The following ZZEF1 variants were observed in gnomAD, a reference collection of about 807,000 sequenced individuals.
ZZEF1 encodes the protein zinc finger ZZ-type and EF-hand domain-containing protein 1.
In ZZEF1, 157 loss-of-function variants were observed where a neutral mutation model predicts 342.8. That is an observed-to-expected ratio of 0.46 (90% CI 0.40 to 0.52). The LOEUF (loss-of-function observed/expected upper bound fraction) is 0.52, where lower values mean the gene tolerates loss of function less well. ZZEF1 is among the 20% of genes least tolerant of loss of function. The pLI, the probability that ZZEF1 is intolerant of heterozygous loss-of-function variation, is 0.00. For missense variants in ZZEF1, 3,480 were observed against 3,725.6 expected (o/e 0.93, Z 1.72); for synonymous variants, 1,505 against 1,429.1 (o/e 1.05, Z -1.20).
chr17:4,087,294 A>G, intron 14 of ZZEF1, 140 bp downstream of exon 14: 1 of 621,454 alleles, frequency 1.6e-6, no homozygotes, highest in South Asian at 2.3e-5. Context: ...GTTATTTTCA[A>G]TAATAACCAT....
At position 4,017,387 on chromosome 17, in the gene ZZEF1, T is replaced by C. The variant is rs753263487; in HGVS notation, c.7985A>G (p.Lys2662Arg). Residue 2662 changes from lysine to arginine, a missense_variant, in exon 48 of 55, where the codon AAG becomes AGG. Lys to Arg is a conservative substitution (Grantham distance 26). This residue lies in a region of ZZEF1 where 1,269 missense variants were observed against 1,342.4 expected (regional missense o/e 0.95). Transcript: ENST00000381638. The surrounding 1 kb of genome is among the most constrained non-coding windows in gnomAD (Gnocchi z 5.1). ...ILDMFMQLEE[K>R]HEWEKILQKV... ...CATAACTACCTTCTCCCACTCATGC[T>C]TTTCTTCCAGCTGCATGAACATATC... 1 of 1,598,806 alleles carries C rather than the reference T, an allele frequency of 6.3e-7. No individual in the cohort carries two copies. The highest frequency in any genetic ancestry group is 8.6e-7 in the Non-Finnish European group (1 of 1,168,808).
intron 42 of ZZEF1, 60 bp from the exon 43 acceptor site, chr17:4,025,178 A>G: frequency 6.6e-7 from 1 of 1,515,122 alleles, no homozygotes; most frequent in East Asian, 2.3e-5. Context: ...TGCTTCCAGC[A>G]GCTATTTCTT....
chr17:4,054,226 T>TA (rs778520573), intron 33 of ZZEF1, 31 bp from the exon 34 acceptor site: 5 of 1,594,652 alleles, frequency 3.1e-6, no homozygotes, highest in African/African-American at 2.7e-5. Context: ...AATTAACTGA[T>TA]AGATTTTCTA....
In ZZEF1 at chr17:4,014,561, G is replaced by GAC; in HGVS notation, c.8146-48_8146-47dup. ...ACACATCTGTCGATGCTGCTCACTA[G>GAC]ACACTGACTGCAGCTGTCCCATGCC... On this transcript the variant is annotated intron_variant, in intron 49 of 54. Coordinates refer to ENST00000381638, the MANE Select transcript of ZZEF1 (RefSeq NM_015113.4). This position sits in a 1 kb window ranked among gnomAD's most constrained non-coding sequence, Gnocchi z 4.4. The GAC allele has an allele frequency of 6.3e-7, 1 of 1,596,168 alleles. No homozygotes were observed. Among genetic ancestry groups the GAC allele is most frequent in the Admixed American group, 1.7e-5 (1 of 59,900 alleles).
Position 4,017,327 on chromosome 17 carries a change from G to A in ZZEF1, c.8001+44C>T. 1.3e-6 allele frequency: 2 copies of A among 1,545,120 alleles called. No homozygotes were observed. The highest frequency in any genetic ancestry group is 1.7e-6 in the Non-Finnish European group (2 of 1,144,862). The stretch of plus-strand genomic sequence containing the variant: ...CACTGGAGGAAGCCTGTGGGGCAGA[G>A]GAAGAACCTGGTGGGTGAGCACAAG... On this transcript the variant is annotated intron_variant, in intron 48 of 54. Transcript: ENST00000381638. This position sits in a 1 kb window ranked among gnomAD's most constrained non-coding sequence, Gnocchi z 5.1.
chr17:4,109,420 G>A (rs2058261063), intron 6 of ZZEF1, among the ~76,000 whole-genome samples: 2 of 152,186 alleles, frequency 1.3e-5, no homozygotes, highest in Non-Finnish European at 2.9e-5. Flanking sequence ...ACTGTGTGAC[G>A]AGGAGCAGGA....
At chr17:4,021,090 G>A (rs752141609) in intron 45 of ZZEF1, 39 bp downstream of exon 45, 2 of 1,546,910 alleles carry the variant, frequency 1.3e-6, no homozygotes, top group Non-Finnish European at 1.7e-6. Flanking sequence ...CCATCCCTCA[G>A]AAGCCCCTCC....
chr17:4,041,559 T>A (rs771834382), intron 39 of ZZEF1, among the ~76,000 whole-genome samples: 1 of 152,228 alleles, frequency 6.6e-6, no homozygotes, highest in South Asian at 2.1e-4. Context: ...GATTCCTCTC[T>A]GTTTACTAGA....
At chr17:4,115,192 T>C (rs1423067481) in intron 3 of ZZEF1, among the ~76,000 whole-genome samples, 1 of 152,104 alleles carries the variant, frequency 6.6e-6, no homozygotes, top group Non-Finnish European at 1.5e-5. Flanking sequence ...TGGCTAATTT[T>C]TTTAAAAATT....
intron 1 of ZZEF1, among the ~76,000 whole-genome samples, chr17:4,133,402 C>T (rs2145597755): frequency 6.6e-6 from 1 of 152,302 alleles, no homozygotes; most frequent in Non-Finnish European, 1.5e-5. Flanking sequence ...CCACAACTCC[C>T]TTCCCCTTCC....
At position 4,034,202 on chromosome 17, in the gene ZZEF1, A is replaced by T. The variant is rs2056611704; in HGVS notation, c.6397T>A (p.Tyr2133Asn). The T allele has an allele frequency of 2.5e-6, 4 of 1,614,084 alleles. No individual in the cohort carries two copies. The highest frequency in any genetic ancestry group is 3.4e-6 in the Non-Finnish European group (4 of 1,180,042). Residue 2133 changes from tyrosine to asparagine, a missense_variant, in exon 40 of 55, where the codon TAC becomes AAC. Transcript: ENST00000381638. ...CCGAGAAGACCCAGGGTGAGATGGT[A>T]GGTTTCATTCAGGTGGCCTGCGTTT... ...ISNAGHLNET[Y>N]HLTLGLLGQL...
chr17:4,100,147 C>T lies in ZZEF1; in HGVS notation c.1672+2170G>A, dbSNP rs149093012. On this transcript the variant is annotated intron_variant, in intron 9 of 54. Coordinates refer to ENST00000381638, the MANE Select transcript of ZZEF1 (RefSeq NM_015113.4). ...ACTTCCCCACTGTTGGAGAATCAGACGTGTACCCATGAGAAGAGCTTTTAC... is the reference window on the plus strand; with the variant it reads ...ACTTCCCCACTGTTGGAGAATCAGATGTGTACCCATGAGAAGAGCTTTTAC... Among the ~76,000 whole-genome samples, 82 of 152,272 alleles carry T rather than the reference C, an allele frequency of 5.4e-4. No homozygotes were observed. In the Middle Eastern group the frequency reaches 0.014, roughly 25 times the overall value.
At position 4,032,269 on chromosome 17, in the gene ZZEF1, G is replaced by T. The variant is rs745845048; in HGVS notation, c.6760-11C>A. ...TCCCACACAGAGGACCTAGAACGTGGTAGACAGAGACAGAAAGGCAACTCA... is the reference window on the plus strand; with the variant it reads ...TCCCACACAGAGGACCTAGAACGTGTTAGACAGAGACAGAAAGGCAACTCA... On this transcript the variant is annotated splice_polypyrimidine_tract_variant and intron_variant, in intron 41 of 54. Transcript: ENST00000381638. The T allele has an allele frequency of 6.2e-7, 1 of 1,606,828 alleles. No homozygotes were observed. The highest frequency in any genetic ancestry group is 1.7e-5 in the Admixed American group (1 of 57,784).
At position 4,014,777 on chromosome 17, in the gene ZZEF1, G is replaced by A. The variant is rs1382642965; in HGVS notation, c.8146-262C>T. ...CTGCTGTGAAGAGTGAAGAGGACAG[G>A]AGGACCCTGTTAGGAGAAGGCGGGA... On this transcript the variant is annotated intron_variant, in intron 49 of 54. Coordinates refer to ENST00000381638, the MANE Select transcript of ZZEF1 (RefSeq NM_015113.4). This position sits in a 1 kb window ranked among gnomAD's most constrained non-coding sequence, Gnocchi z 4.4. Among the ~76,000 whole-genome samples the A allele has an allele frequency of 1.3e-5, 2 of 152,210 alleles. No homozygotes were observed. Among genetic ancestry groups the A allele is most frequent in the Non-Finnish European group, 2.9e-5 (2 of 68,040 alleles).
At position 4,077,871 on chromosome 17, in the gene ZZEF1, A is replaced by G; in HGVS notation, c.2989+12T>C. On this transcript the variant is annotated intron_variant, in intron 19 of 54. Transcript: ENST00000381638. ...CGCCATCTGTTTTCATGGATTTTAT[A>G]TTGAAACTCACATTTTTCAATAAGG... is the stretch of plus-strand genomic sequence containing the variant. The G allele has an allele frequency of 1.2e-6, 2 of 1,612,112 alleles. No individual in the cohort carries two copies. The highest frequency in any genetic ancestry group is 1.7e-6 in the Non-Finnish European group (2 of 1,178,838).
At chr17:4,105,066 ATAAGCCTCTGCTAT>A (rs1368068566) in intron 7 of ZZEF1, among the ~76,000 whole-genome samples, 2 of 152,252 alleles carry the variant, frequency 1.3e-5, no homozygotes, top group Non-Finnish European at 2.9e-5. Context: ...CGCTACTGTA[ATAAGCCTCTGCTAT>A]TAAGAAGCCT....
At chr17:4,086,393 C>A in intron 15 of ZZEF1, 93 bp downstream of exon 15, 1 of 1,294,756 alleles carries the variant, frequency 7.7e-7, no homozygotes, top group African/African-American at 1.5e-5. Flanking sequence ...CTTTCTGGCT[C>A]GCATCATCGT....
Position 4,014,596 on chromosome 17 carries a change from G to A in ZZEF1, c.8146-81C>T, listed in dbSNP as rs2056052273. ...GCAGCTGTCCCATGCCGAGTCCTGT[G>A]GCTGGACCCGGGTGTGTGAGAATGA... On this transcript the variant is annotated intron_variant, in intron 49 of 54. Coordinates refer to ENST00000381638, the MANE Select transcript of ZZEF1 (RefSeq NM_015113.4). The surrounding 1 kb of genome is among the most constrained non-coding windows in gnomAD (Gnocchi z 4.4). 8.2e-6 allele frequency: 12 copies of A among 1,462,266 alleles called. No homozygotes were observed. Among genetic ancestry groups the A allele is most frequent in the Non-Finnish European group, 1.1e-5 (12 of 1,055,002 alleles). The allele number at this position is 1,462,266 out of a possible 1,614,324, so 90.6% of individuals were successfully genotyped here.
Position 4,006,868 on chromosome 17 carries a change from C to T in ZZEF1, c.*22G>A. 6.4e-7 allele frequency: 1 copy of T among 1,566,270 alleles called. No individual in the cohort carries two copies. ...AAATCCCTGTGGCAGATGAACTAGT[C>T]CCATGCACGCCCCACCAAGGGCTAA... is the stretch of plus-strand genomic sequence containing the variant. On this transcript the variant is annotated 3_prime_UTR_variant, in exon 55 of 55. Transcript: ENST00000381638.
Sources: gnomAD v4.1 joint callset for allele counts (sites outside exome capture counted in the v4.1 genomes callset) on GRCh38, gnomAD v4.1.1 for gene constraint, gnomAD v4.1.1 regional missense constraint, Gnocchi (gnomAD v3.1) non-coding constraint, MANE v1.5 for transcripts, NCBI Gene and HGNC (gene_info 2026-07-23, HGNC 2026-07-21) for gene names.